The following PPP2R2A variants were observed in gnomAD, a reference collection of about 807,000 sequenced individuals.
PPP2R2A encodes serine/threonine-protein phosphatase 2A 55 kDa regulatory subunit B alpha isoform.
PPP2R2A carries 9 observed loss-of-function variants against 53.2 expected under a neutral mutation model. The ratio of observed to expected loss-of-function variants is 0.17; its 90% CI spans 0.10 to 0.30. PPP2R2A has a LOEUF of 0.30. PPP2R2A is among the 10% of genes least tolerant of loss of function. The pLI, the probability that PPP2R2A is intolerant of heterozygous loss-of-function variation, is 1.00. For synonymous variants in PPP2R2A, 169 were observed against 174.2 expected, an observed-to-expected ratio of 0.97 and a Z score of 0.23; for missense variants, 235 against 534.6, an observed-to-expected ratio of 0.44 and a Z score of 5.53.
At chr8:26,315,381 A>G (rs1453627030) in intron 2 of PPP2R2A, among the ~76,000 whole-genome samples, 3 of 152,208 alleles carry the variant, frequency 2.0e-5, no homozygotes, top group Non-Finnish European at 2.9e-5. Context: ...GATGGGTCAC[A>G]TCTTAAGCCT....
chr8:26,332,283 C>G (rs1272429724), intron 2 of PPP2R2A, among the ~76,000 whole-genome samples: 1 of 151,508 alleles, frequency 6.6e-6, no homozygotes, highest in Non-Finnish European at 1.5e-5. Flanking sequence ...ATTGTTTCAA[C>G]CCGGGAGGCA....
chr8:26,361,247 A>C, intron 6 of PPP2R2A, 96 bp downstream of exon 6: 1 of 1,285,186 alleles, frequency 7.8e-7, no homozygotes, highest in Non-Finnish European at 1.1e-6. Context: ...GTTGCTTTTT[A>C]TAGTCTGTGT....
intron 1 of PPP2R2A, 83 bp downstream of exon 1, chr8:26,291,909 C>T (rs1801314081): frequency 6.4e-7 from 1 of 1,571,498 alleles, no homozygotes; most frequent in Admixed American, 1.8e-5. Context: ...ACCGCCCGCG[C>T]CTCGCGCAGA....
intron 4 of PPP2R2A, among the ~76,000 whole-genome samples, chr8:26,357,964 G>A (rs1487187658): frequency 6.6e-6 from 1 of 151,806 alleles, no homozygotes; most frequent in Non-Finnish European, 1.5e-5. Context: ...TTTGTCTTAT[G>A]GGCCAAAAAC....
intron 2 of PPP2R2A, among the ~76,000 whole-genome samples, chr8:26,315,088 T>G (rs1451514404): frequency 2.6e-5 from 4 of 152,188 alleles, no homozygotes; most frequent in African/African-American, 9.7e-5. Flanking sequence ...TTGAGAAGAT[T>G]AATAGTTTTT....
At chr8:26,296,115 G>T (rs1801529703) in intron 2 of PPP2R2A, among the ~76,000 whole-genome samples, 1 of 152,076 alleles carries the variant, frequency 6.6e-6, no homozygotes, top group African/African-American at 2.4e-5. Flanking sequence ...CTCTATTCAG[G>T]TTTGCACTCT....
intron 2 of PPP2R2A, among the ~76,000 whole-genome samples, chr8:26,318,575 A>G (rs968587129): frequency 6.6e-6 from 1 of 152,228 alleles, no homozygotes; most frequent in African/African-American, 2.4e-5. Flanking sequence ...ACTTTTGTAT[A>G]TGATTGAAAT....
intron 6 of PPP2R2A, among the ~76,000 whole-genome samples, 194 bp downstream of exon 6, chr8:26,361,345 T>C (rs1165043170): frequency 1.3e-5 from 2 of 152,222 alleles, no homozygotes; most frequent in African/African-American, 4.8e-5. Flanking sequence ...AAGGGCATAA[T>C]GTATTGATTT....
At chr8:26,337,558 T>C (rs1243669720) in intron 2 of PPP2R2A, among the ~76,000 whole-genome samples, 2 of 152,242 alleles carry the variant, frequency 1.3e-5, no homozygotes, top group Non-Finnish European at 2.9e-5. Flanking sequence ...ACAGAACTCC[T>C]AATCAAATGA....
chr8:26,306,401 A>C (rs1802023311), intron 2 of PPP2R2A, among the ~76,000 whole-genome samples: 1 of 150,638 alleles, frequency 6.6e-6, no homozygotes, highest in African/African-American at 2.4e-5. Context: ...ACTTGAACCC[A>C]GGAGGCAAAT....
chr8:26,310,673 T>C (rs1802250544), intron 2 of PPP2R2A, among the ~76,000 whole-genome samples: 2 of 151,420 alleles, frequency 1.3e-5, no homozygotes, highest in Non-Finnish European at 2.9e-5. Flanking sequence ...TTTTCCTTTT[T>C]TTTTTTTTAA....
At chr8:26,347,704 T>C (rs935550143) in intron 3 of PPP2R2A, among the ~76,000 whole-genome samples, 1 of 152,184 alleles carries the variant, frequency 6.6e-6, no homozygotes, top group South Asian at 2.1e-4. Context: ...CATTCAGATA[T>C]CTCTCCCACT....
intron 4 of PPP2R2A, among the ~76,000 whole-genome samples, chr8:26,355,626 A>C (rs1202519696): frequency 6.6e-6 from 1 of 152,098 alleles, no homozygotes; most frequent in Non-Finnish European, 1.5e-5. Flanking sequence ...GCACTTTAGG[A>C]GGCTGAGGCG....
At chr8:26,295,071 A>G (rs977244214) in intron 2 of PPP2R2A, among the ~76,000 whole-genome samples, 1 of 152,210 alleles carries the variant, frequency 6.6e-6, no homozygotes, top group African/African-American at 2.4e-5. Flanking sequence ...GTTGAATAGT[A>G]AACACTCCAG....
At chr8:26,318,377 A>T (rs931571435) in intron 2 of PPP2R2A, among the ~76,000 whole-genome samples, 1 of 152,188 alleles carries the variant, frequency 6.6e-6, no homozygotes, top group Non-Finnish European at 1.5e-5. Context: ...ATGGTGTTTG[A>T]TTATATTGAA....
Position 26,370,658 on chromosome 8 carries a change from C to T in PPP2R2A, c.*245C>T. 3.8e-6 allele frequency: 2 copies of T among 527,632 alleles called. No homozygotes were observed. Among genetic ancestry groups the T allele is most frequent in the South Asian group, 2.1e-5 (1 of 46,586 alleles). The allele number at this position is 527,632 out of a possible 1,614,324, so 32.7% of individuals were successfully genotyped here. ...CACTTTTAATTTAAATGACTTCTTG[C>T]ACCATCTTGCCTAATGGACTAGATT... On this transcript the variant is annotated 3_prime_UTR_variant, in exon 10 of 10. Transcript: ENST00000380737. The surrounding 1 kb of genome is among the most constrained non-coding windows in gnomAD (Gnocchi z 6.1).
chr8:26,344,774 A>G (rs868419366), intron 3 of PPP2R2A, among the ~76,000 whole-genome samples: 7 of 152,202 alleles, frequency 4.6e-5, no homozygotes, highest in African/African-American at 7.2e-5. Context: ...TATCGGCTCA[A>G]TGGGTACCTA....
At chr8:26,347,005 T>C (rs1378481120) in intron 3 of PPP2R2A, among the ~76,000 whole-genome samples, 4 of 152,186 alleles carry the variant, frequency 2.6e-5, no homozygotes, top group Non-Finnish European at 5.9e-5. Context: ...GATCCTTATC[T>C]GGAAGAGAAA....
intron 9 of PPP2R2A, among the ~76,000 whole-genome samples, chr8:26,367,099 T>C (rs1006995500): frequency 1.3e-5 from 2 of 152,186 alleles, no homozygotes; most frequent in Non-Finnish European, 2.9e-5. Flanking sequence ...AACAACAGTT[T>C]TATCACAGAG....
Sources: gnomAD v4.1 joint callset for allele counts (sites outside exome capture counted in the v4.1 genomes callset) on GRCh38, gnomAD v4.1.1 for gene constraint, Gnocchi (gnomAD v3.1) non-coding constraint, MANE v1.5 for transcripts, NCBI Gene and HGNC (gene_info 2026-07-23, HGNC 2026-07-21) for gene names.